AK2: variants seen among roughly 807,000 people sequenced by gnomAD.
AK2 encodes adenylate kinase 2.
Under a neutral mutation model 24.6 loss-of-function variants are expected in AK2, and 15 were observed. That is an observed-to-expected ratio of 0.61 (90% CI 0.41 to 0.94). The LOEUF is 0.94. Ranked by LOEUF, AK2 falls within the 40% of genes least tolerant of loss-of-function variation. The probability of loss-of-function intolerance (pLI) is 0.00; values close to 1 mark genes in which losing one functional copy is unlikely to be tolerated. For synonymous variants in AK2, 102 were observed against 114.0 expected (o/e 0.90, Z 0.67); for missense variants, 257 against 304.1 (o/e 0.85, Z 1.15).
intron 2 of AK2, among the ~76,000 whole-genome samples, chr1:33,023,744 G>C (rs1639695456): frequency 6.6e-6 from 1 of 152,128 alleles, no homozygotes; most frequent in African/African-American, 2.4e-5. Flanking sequence ...CTGAGTTCTG[G>C]CCTAGGGACA....
chr1:33,036,703 G>C, intron 1 of AK2, 33 bp downstream of exon 1: 3 of 1,545,676 alleles, frequency 1.9e-6, no homozygotes, highest in Non-Finnish European at 2.6e-6. Flanking sequence ...GAGTTCAGCA[G>C]GCTCCGCCGC....
chr1:33,030,231 A>C (rs1640154331), intron 1 of AK2, among the ~76,000 whole-genome samples: 1 of 152,156 alleles, frequency 6.6e-6, no homozygotes, highest in South Asian at 2.1e-4. Context: ...ATATTGGTCT[A>C]AGCCTTTTCT....
chr1:33,016,460 C>A (rs1167072526), intron 4 of AK2, among the ~76,000 whole-genome samples: 1 of 152,010 alleles, frequency 6.6e-6, no homozygotes, highest in Non-Finnish European at 1.5e-5. Flanking sequence ...ATCCACCTGC[C>A]TCAGCCTTCC....
In AK2 at chr1:33,035,361, T is replaced by C. The variant is rs375671160; in HGVS notation, c.93+1375A>G. On this transcript the variant is annotated intron_variant, in intron 1 of 5. Transcript: ENST00000672715. ...CATTAATCTGTGACATTCATCCACT[T>C]CCACTAACCCCATCAAGGGCCAAGT... Among the ~76,000 whole-genome samples, 10 of 152,296 alleles carry C rather than the reference T, an allele frequency of 6.6e-5. No homozygotes were observed. In the East Asian group the frequency reaches 1.7e-3, roughly 26 times the overall value.
intron 3 of AK2, 54 bp downstream of exon 3, chr1:33,021,539 A>G (rs2124329289): frequency 1.2e-6 from 2 of 1,606,360 alleles, no homozygotes; most frequent in East Asian, 4.5e-5. Context: ...TAAGAAAGAC[A>G]AAGGACAAGA....
intron 4 of AK2, among the ~76,000 whole-genome samples, chr1:33,017,125 A>G (rs1639241038): frequency 6.6e-6 from 1 of 152,208 alleles, no homozygotes; most frequent in African/African-American, 2.4e-5. Context: ...CATGTAAAGA[A>G]TTGATATACT....
intron 4 of AK2, chr1:33,019,910 C>T: frequency 7.2e-7 from 1 of 1,391,112 alleles, no homozygotes; most frequent in Non-Finnish European, 9.3e-7. Context: ...TCATGGATGT[C>T]TGGTTCAAGA....
At chr1:33,021,521 A>T in intron 3 of AK2, 60 bp from the exon 4 acceptor site, 1 of 1,605,280 alleles carries the variant, frequency 6.2e-7, no homozygotes, top group Non-Finnish European at 8.5e-7. Context: ...CATCTCCTTC[A>T]AAGGAATTAA....
rs767276648 is a variant in AK2 at position 33,021,646 on chromosome 1, T to C, written c.277A>G (p.Lys93Glu). 11 of 1,614,086 alleles carry C rather than the reference T, an allele frequency of 6.8e-6. No individual in the cohort carries two copies. The African/African-American group carries it at 1.5e-4, about 22-fold the overall frequency. ...IEKNLETPLC[K>E]NGFLLDGFPR... ...AAGCCATCCAGAAGAAAACCATTTT[T>C]GCACAAGGGGGTCTCCAAATTCTTC... Residue 93 changes from lysine to glutamate, a missense_variant, in exon 3 of 6, where the codon AAA (lysine) becomes GAA (glutamate). Physicochemically the swap from Lys to Glu is moderately conservative, Grantham distance 56. Coordinates refer to ENST00000672715, the MANE Select transcript of AK2 (RefSeq NM_001625.4).
intron 4 of AK2, among the ~76,000 whole-genome samples, chr1:33,017,781 G>T (rs906501036): frequency 7.2e-5 from 11 of 152,072 alleles, no homozygotes; most frequent in Admixed American, 1.3e-4. Context: ...TTGAGATAGG[G>T]TTTTGCTTTG....
chr1:33,014,420 T>C (rs1639045749), intron 5 of AK2, 102 bp downstream of exon 5: 2 of 907,454 alleles, frequency 2.2e-6, no homozygotes, highest in South Asian at 2.6e-5. Flanking sequence ...GTTAGTAATA[T>C]TGGTAGAAAT....
Position 33,024,305 on chromosome 1 carries a change from C to T in AK2, c.219+137G>A, listed in dbSNP as rs1639736945. On this transcript the variant is annotated intron_variant, in intron 2 of 5. Coordinates refer to ENST00000672715, the MANE Select transcript of AK2 (RefSeq NM_001625.4). ...TGGCTGGTAAATACTTGAAATATGGCTAGTGCAACTGAGGAACTGATTTTT... is the reference window on the plus strand; with the variant it reads ...TGGCTGGTAAATACTTGAAATATGGTTAGTGCAACTGAGGAACTGATTTTT... 1.3e-5 allele frequency: 15 copies of T among 1,174,582 alleles called. No homozygotes were observed. The South Asian group carries it at 1.8e-4, about 14-fold the overall frequency. 72.8% of individuals were successfully genotyped at this position (1,174,582 alleles called of 1,614,324 possible).
intron 1 of AK2, among the ~76,000 whole-genome samples, chr1:33,035,381 C>A: frequency 6.6e-6 from 1 of 152,288 alleles, no homozygotes; most frequent in African/African-American, 2.4e-5. Context: ...CCATCAAGGG[C>A]CAAGTAATGT....
rs1319453039 is a variant in AK2 at position 33,009,029 on chromosome 1, G to T, written c.*4152C>A. The T allele has an allele frequency of 8.8e-6, 4 of 453,996 alleles. No individual in the cohort carries two copies. Among genetic ancestry groups the T allele is most frequent in the South Asian group, 4.7e-5 (3 of 64,486 alleles). 28.1% of individuals were successfully genotyped at this position (453,996 alleles called of 1,614,324 possible). Reference sequence around the variant, plus strand: ...ATTTAAAAAGCTCAGGGAACAAACAGATCAGTGCAAATCAGTAAGGCTAAC... The same window carrying T: ...ATTTAAAAAGCTCAGGGAACAAACATATCAGTGCAAATCAGTAAGGCTAAC... On this transcript the variant is annotated 3_prime_UTR_variant, in exon 6 of 6. Coordinates refer to ENST00000672715, the MANE Select transcript of AK2 (RefSeq NM_001625.4).
At chr1:33,020,844 C>CAA (rs769914721) in intron 4 of AK2, among the ~76,000 whole-genome samples, 3 of 110,448 alleles carry the variant, frequency 2.7e-5, no homozygotes, top group Admixed American at 9.4e-5. Flanking sequence ...GACTCTGTCT[C>CAA]AAAAAAAAAA....
intron 1 of AK2, among the ~76,000 whole-genome samples, chr1:33,025,300 C>T (rs1282732257): frequency 2.0e-5 from 3 of 151,638 alleles, no homozygotes; most frequent in African/African-American, 7.3e-5. Flanking sequence ...ACACCTGGCA[C>T]ATAACATGTG....
Position 33,011,511 on chromosome 1 carries a change from CAGA to C in AK2, c.*1667_*1669del, listed in dbSNP as rs1638817405. ...TCATGCCCAGTTGCCATGTGGACAGCAGATAAGACCTCTGGTAGTCTCACAGAT... is the reference window on the plus strand; with the variant it reads ...TCATGCCCAGTTGCCATGTGGACAGCTAAGACCTCTGGTAGTCTCACAGAT... On this transcript the variant is annotated 3_prime_UTR_variant, in exon 6 of 6. Transcript: ENST00000672715. 3.9e-6 allele frequency: 5 copies of C among 1,287,410 alleles called. No homozygotes were observed. The highest frequency in any genetic ancestry group is 4.6e-5 in the Admixed American group (2 of 43,560). The allele number at this position is 1,287,410 out of a possible 1,614,324, so 79.7% of individuals were successfully genotyped here. A position where few individuals can be genotyped will look rare whatever the true frequency, so the allele number is the denominator to read the frequency against.
chr1:33,025,250 G>A (rs983441055), intron 1 of AK2, among the ~76,000 whole-genome samples: 26 of 151,512 alleles, frequency 1.7e-4, no homozygotes, highest in Admixed American at 2.6e-4. Context: ...TGGTTGCTGT[G>A]AGGTTTAAAT....
chr1:33,011,700 T>G lies in AK2; in HGVS notation c.*1481A>C. 7.6e-7 allele frequency: 1 copy of G among 1,319,286 alleles called. No homozygotes were observed. The highest frequency in any genetic ancestry group is 1.2e-5 in the South Asian group (1 of 81,230). 81.7% of individuals were successfully genotyped at this position (1,319,286 alleles called of 1,614,324 possible). On this transcript the variant is annotated 3_prime_UTR_variant, in exon 6 of 6. Coordinates refer to ENST00000672715, the MANE Select transcript of AK2 (RefSeq NM_001625.4). ...GTTTTTGTGGTCCTTCATAGCAGTC[T>G]GTTACTTCATCTGTTTGCCACAAAT...
Sources: allele counts gnomAD v4.1 joint callset (sites outside exome capture counted in the v4.1 genomes callset), GRCh38; gene constraint gnomAD v4.1.1; transcripts MANE v1.5; gene names NCBI Gene and HGNC (gene_info 2026-07-23, HGNC 2026-07-21).